GID4: variants seen among roughly 807,000 people sequenced by gnomAD.
The protein encoded by GID4 is GID complex subunit 4 homolog.
A neutral mutation model predicts 32.4 loss-of-function variants in GID4; 7 were observed. The observed-to-expected ratio is 0.22, with a 90% CI of 0.12 to 0.41. GID4 has a LOEUF of 0.41. GID4 is among the 10% of genes least tolerant of loss of function. The pLI is 1.00. For synonymous variants in GID4, 166 were observed against 170.0 expected (o/e 0.98, Z 0.18); for missense variants, 309 against 400.0 (o/e 0.77, Z 1.94).
intron 1 of GID4, among the ~76,000 whole-genome samples, chr17:18,044,900 A>G (rs1254602702): frequency 1.3e-5 from 2 of 152,202 alleles, no homozygotes; most frequent in African/African-American, 2.4e-5. Context: ...CCCATTTCAG[A>G]AAGACACTTC....
intron 3 of GID4, among the ~76,000 whole-genome samples, chr17:18,056,243 G>A (rs1473778102): frequency 6.6e-6 from 1 of 152,226 alleles, no homozygotes; most frequent in Non-Finnish European, 1.5e-5. Context: ...GCTTTTTAAA[G>A]CGTTTTTTGA....
intron 2 of GID4, among the ~76,000 whole-genome samples, chr17:18,053,171 G>A (rs371608052): frequency 2.0e-5 from 3 of 149,234 alleles, no homozygotes; most frequent in East Asian, 2.0e-4. Flanking sequence ...GCGCCACCAC[G>A]CCCGGCTAAT....
intron 1 of GID4, among the ~76,000 whole-genome samples, chr17:18,040,633 C>G (rs986001316): frequency 6.6e-6 from 1 of 152,202 alleles, no homozygotes; most frequent in Non-Finnish European, 1.5e-5. Flanking sequence ...TTCTCCACCC[C>G]CAGGCCTCCT....
chr17:18,039,605 CGCGCGTG>C lies in GID4; in HGVS notation c.142_148del (p.Ala48ArgfsTer92). The C allele has an allele frequency of 1.5e-6, 2 of 1,290,972 alleles. No individual in the cohort carries two copies. The highest frequency in any genetic ancestry group is 2.0e-6 in the Non-Finnish European group (2 of 1,023,040). 80.0% of individuals were successfully genotyped at this position (1,290,972 alleles called of 1,614,324 possible). A position where few individuals can be genotyped will look rare whatever the true frequency, so the allele number is the denominator to read the frequency against. ...GTGGTCGCCCCTCCCGCCCCCACCC[CGCGCGTG>C]CGCGCCCCGGCCTCTCCCTCCCCGC... On this transcript the variant is annotated frameshift_variant, in exon 1 of 6. Transcript: ENST00000268719. LOFTEE classifies it high-confidence loss of function. The surrounding 1 kb of genome is among the most constrained non-coding windows in gnomAD (Gnocchi z 5.3).
At position 18,061,031 on chromosome 17, in the gene GID4, G is replaced by A. The variant is rs9894138; in HGVS notation, c.709-814G>A. Among the ~76,000 whole-genome samples, 86,159 of 152,082 alleles carry A rather than the reference G, an allele frequency of 0.57. 25,736 individuals are homozygous for A. The highest frequency in any genetic ancestry group is 0.68 in the Non-Finnish European group (45,932 of 67,980). ...ATTGCAGGCATAAGCCACCACACCC[G>A]ATCTGAATTTTAAAATTAATTTTAA... is the stretch of plus-strand genomic sequence containing the variant. On this transcript the variant is annotated intron_variant, in intron 4 of 5. Transcript: ENST00000268719. This position sits in a 1 kb window ranked among gnomAD's most constrained non-coding sequence, Gnocchi z 4.4.
chr17:18,060,156 T>A (rs905068325), intron 4 of GID4, among the ~76,000 whole-genome samples: 2 of 150,552 alleles, frequency 1.3e-5, no homozygotes, highest in African/African-American at 4.9e-5. Context: ...TCCCAGCACT[T>A]TGGGAGGCCA....
In GID4 at chr17:18,067,903, C is replaced by G. The variant is rs1180632993; in HGVS notation, c.*2660C>G. The stretch of plus-strand genomic sequence containing the variant: ...CTCGACCCTCTTCTGTGCTGGACTT[C>G]CACCCACCCACCCTTTTCAAGTTTA... On this transcript the variant is annotated 3_prime_UTR_variant, in exon 6 of 6. Coordinates refer to ENST00000268719, the MANE Select transcript of GID4 (RefSeq NM_024052.5). The G allele has an allele frequency of 6.6e-6, 1 of 152,596 alleles. No individual in the cohort carries two copies. Among genetic ancestry groups the G allele is most frequent in the Non-Finnish European group, 1.5e-5 (1 of 68,012 alleles). The allele number at this position is 152,596 out of a possible 1,614,324, so 9.5% of individuals were successfully genotyped here. A position where few individuals can be genotyped will look rare whatever the true frequency, so the allele number is the denominator to read the frequency against.
At position 18,054,170 on chromosome 17, in the gene GID4, G is replaced by C. The variant is rs144872624; in HGVS notation, c.542G>C (p.Ser181Thr). ...LTTFFEGEII[S>T]KKHPFLTRKW... ...ACCTTCTTCGAAGGAGAAATAATCA[G>C]CAAAAAACACCCTTTCTTAACTCGC... Residue 181 changes from serine to threonine, a missense_variant, in exon 3 of 6, where the codon AGC becomes ACC. Ser to Thr is a moderately conservative substitution (Grantham distance 58). This residue lies in a region of GID4 where 116 missense variants were observed against 214.2 expected (regional missense o/e 0.54). Coordinates refer to ENST00000268719, the MANE Select transcript of GID4 (RefSeq NM_024052.5). The C allele has an allele frequency of 1.9e-6, 3 of 1,613,056 alleles. No individual in the cohort carries two copies. The African/African-American group carries it at 4.0e-5, about 22-fold the overall frequency.
chr17:18,039,586 GCCCCTCCCGC>G lies in GID4; in HGVS notation c.127_136del (p.Ser43ThrfsTer96). The G allele has an allele frequency of 7.7e-7, 1 of 1,296,648 alleles. No homozygotes were observed. Among genetic ancestry groups the G allele is most frequent in the Non-Finnish European group, 9.7e-7 (1 of 1,026,376 alleles). 80.3% of individuals were successfully genotyped at this position (1,296,648 alleles called of 1,614,324 possible). A position where few individuals can be genotyped will look rare whatever the true frequency, so the allele number is the denominator to read the frequency against. On this transcript the variant is annotated frameshift_variant, in exon 1 of 6. Coordinates refer to ENST00000268719, the MANE Select transcript of GID4 (RefSeq NM_024052.5). LOFTEE classifies it high-confidence loss of function. The surrounding 1 kb of genome is among the most constrained non-coding windows in gnomAD (Gnocchi z 5.3). ...CTCCGCAGGCAGCGGGCGGGTGGTC[GCCCCTCCCGC>G]CCCCACCCCGCGCGTGCGCGCCCCG...
chr17:18,044,119 G>A (rs559671515), intron 1 of GID4, among the ~76,000 whole-genome samples: 47 of 152,208 alleles, frequency 3.1e-4, no homozygotes, highest in South Asian at 6.2e-4. Flanking sequence ...CACTCCATGC[G>A]GATACTGTCA....
At position 18,039,968 on chromosome 17, in the gene GID4, G is replaced by T. The variant is rs2044773679; in HGVS notation, c.438+66G>T. 1 of 1,283,022 alleles carries T rather than the reference G, an allele frequency of 7.8e-7. No individual in the cohort carries two copies. Among genetic ancestry groups the T allele is most frequent in the Admixed American group, 4.2e-5 (1 of 23,874 alleles). 79.5% of individuals were successfully genotyped at this position (1,283,022 alleles called of 1,614,324 possible). A position where few individuals can be genotyped will look rare whatever the true frequency, so the allele number is the denominator to read the frequency against. On this transcript the variant is annotated intron_variant, in intron 1 of 5. Coordinates refer to ENST00000268719, the MANE Select transcript of GID4 (RefSeq NM_024052.5). This position sits in a 1 kb window ranked among gnomAD's most constrained non-coding sequence, Gnocchi z 5.3. ...GGCGCTCACGGGCCGTGCCCGCTTC[G>T]GCTCCTCGACCCCGCAGCCGCGGAA...
chr17:18,045,279 C>A (rs1201040432), intron 2 of GID4, 73 bp downstream of exon 2: 2 of 1,178,668 alleles, frequency 1.7e-6, no homozygotes, highest in Non-Finnish European at 2.5e-6. Flanking sequence ...GGGTTCAGGG[C>A]AGGCGGTCTC....
At chr17:18,056,603 CAA>C in intron 3 of GID4, 1 of 1,222,262 alleles carries the variant, frequency 8.2e-7, no homozygotes, top group Middle Eastern at 2.3e-4. Flanking sequence ...CTGCAAAAAG[CAA>C]AGTCTTTGAG....
chr17:18,047,543 A>C (rs1205508755), intron 2 of GID4, among the ~76,000 whole-genome samples: 2 of 152,256 alleles, frequency 1.3e-5, no homozygotes, highest in African/African-American at 4.8e-5. Flanking sequence ...CCGTGAGTCG[A>C]GAGCAGCAGT....
Position 18,061,730 on chromosome 17 carries a change from A to G in GID4, c.709-115A>G, listed in dbSNP as rs2045019257. 2 of 980,144 alleles carry G rather than the reference A, an allele frequency of 2.0e-6. No homozygotes were observed. Among genetic ancestry groups the G allele is most frequent in the Admixed American group, 1.9e-5 (1 of 52,784 alleles). The allele number at this position is 980,144 out of a possible 1,614,324, so 60.7% of individuals were successfully genotyped here. A position where few individuals can be genotyped will look rare whatever the true frequency, so the allele number is the denominator to read the frequency against. On this transcript the variant is annotated intron_variant, in intron 4 of 5. Transcript: ENST00000268719. The surrounding 1 kb of genome is among the most constrained non-coding windows in gnomAD (Gnocchi z 4.4). ...TCACCCAGCAAGTCTAGGTTAGACT[A>G]TGAGATCCTATATTTTTCTCGAGTG...
chr17:18,056,981 G>A (rs1376285571), intron 3 of GID4: 1 of 1,550,392 alleles, frequency 6.4e-7, no homozygotes, highest in Admixed American at 2.0e-5. Context: ...GATTTACAAT[G>A]TCTAATACAC....
In GID4 at chr17:18,058,835, A is replaced by G; in HGVS notation, c.607-33A>G. On this transcript the variant is annotated intron_variant, in intron 3 of 5. Coordinates refer to ENST00000268719, the MANE Select transcript of GID4 (RefSeq NM_024052.5). ...TCTGAGAGCAGCCTCTCCTTCTCTCAGTCAATCGGCACACTCTCTTTTCTG... is the reference window on the plus strand; with the variant it reads ...TCTGAGAGCAGCCTCTCCTTCTCTCGGTCAATCGGCACACTCTCTTTTCTG... 3.0e-6 allele frequency: 4 copies of G among 1,329,516 alleles called. No individual in the cohort carries two copies. The East Asian group carries it at 6.9e-5, about 23-fold the overall frequency. 82.4% of individuals were successfully genotyped at this position (1,329,516 alleles called of 1,614,324 possible). A position where few individuals can be genotyped will look rare whatever the true frequency, so the allele number is the denominator to read the frequency against.
In GID4 at chr17:18,067,203, C is replaced by T. The variant is rs117878802; in HGVS notation, c.*1960C>T. The T allele has an allele frequency of 1.3e-5, 2 of 152,416 alleles. No individual in the cohort carries two copies. Among genetic ancestry groups the T allele is most frequent in the East Asian group, 1.9e-4 (1 of 5,190 alleles). 9.4% of individuals were successfully genotyped at this position (152,416 alleles called of 1,614,324 possible). On this transcript the variant is annotated 3_prime_UTR_variant, in exon 6 of 6. Coordinates refer to ENST00000268719, the MANE Select transcript of GID4 (RefSeq NM_024052.5). ...ACGTGCCATTCCACTCTCTTCAGCT[C>T]TCCCCTCAACAGCATGCGAGCCCAT...
chr17:18,059,060 T>A lies in GID4; in HGVS notation c.708+91T>A, dbSNP rs2044996148. On this transcript the variant is annotated intron_variant, in intron 4 of 5. Coordinates refer to ENST00000268719, the MANE Select transcript of GID4 (RefSeq NM_024052.5). ...TCACTCTAACCAAGGGCTCCCCATG[T>A]CCAGTGCTCGTCACAGCTGGTTGTC... The A allele has an allele frequency of 4.1e-6, 3 of 723,826 alleles. No individual in the cohort carries two copies. The East Asian group carries it at 7.9e-5, about 19-fold the overall frequency. The allele number at this position is 723,826 out of a possible 1,614,324, so 44.8% of individuals were successfully genotyped here.
Sources: gnomAD v4.1 joint callset for allele counts (sites outside exome capture counted in the v4.1 genomes callset) on GRCh38, gnomAD v4.1.1 for gene constraint, gnomAD v4.1.1 regional missense constraint, Gnocchi (gnomAD v3.1) non-coding constraint, MANE v1.5 for transcripts, NCBI Gene and HGNC (gene_info 2026-07-23, HGNC 2026-07-21) for gene names.